The following ZNF578 variants were observed in gnomAD, a reference collection of about 807,000 sequenced individuals.
ZNF578 encodes Putative chemokine-related protein B42.
In ZNF578, 8 loss-of-function variants were observed where a neutral mutation model predicts 8.3. That is an observed-to-expected ratio of 0.96 (90% CI 0.56 to 1.74). ZNF578 has a LOEUF of 1.74. Among genes scored for constraint, ZNF578 ranks in the 40% most tolerant of loss-of-function variants. ZNF578 has a pLI of 0.00. For synonymous variants in ZNF578, 206 were observed against 232.2 expected (o/e 0.89, Z 1.03); for missense variants, 726 against 707.5 (o/e 1.03, Z -0.30).
In ZNF578 at chr19:52,512,096, G is replaced by C; in HGVS notation, c.1715G>C (p.Cys572Ser). ...GAGAAACCTTACAAGTGTAATGAGT[G>C]TGGTAAGGCTCACAATCACTTGATT... The part of the protein sequence containing the change: ...SGEKPYKCNE[C>S]GKAHNHLIDS... Residue 572 changes from cysteine to serine, a missense_variant, in exon 6 of 6, where the codon TGT (cysteine) becomes TCT (serine). By Grantham distance (112) the Cys-to-Ser change is moderately radical (BLOSUM62 -1). Transcript: ENST00000421239. The C allele has an allele frequency of 1.9e-6, 3 of 1,613,294 alleles. No individual in the cohort carries two copies. The highest frequency in any genetic ancestry group is 2.5e-6 in the Non-Finnish European group (3 of 1,179,722).
chr19:52,462,698 A>C (rs945302780), intron 2 of ZNF578, among the ~76,000 whole-genome samples: 9 of 150,572 alleles, frequency 6.0e-5, no homozygotes, highest in Admixed American at 5.3e-4. Flanking sequence ...GTTTGTCTTC[A>C]TGTGGTCAGC....
intron 2 of ZNF578, among the ~76,000 whole-genome samples, chr19:52,459,290 C>T (rs903035079): frequency 2.0e-4 from 30 of 152,090 alleles, no homozygotes; most frequent in African/African-American, 7.0e-4. Context: ...ACCCATCTTT[C>T]TATGTTGTTT....
chr19:52,509,314 T>C (rs868312903), intron 5 of ZNF578, among the ~76,000 whole-genome samples: 50 of 152,162 alleles, frequency 3.3e-4, no homozygotes, highest in Non-Finnish European at 1.6e-4. Context: ...GGTGGTTAAG[T>C]AGATGTTGTG....
At chr19:52,495,088 C>A (rs890410487) in intron 3 of ZNF578, among the ~76,000 whole-genome samples, 2 of 151,178 alleles carry the variant, frequency 1.3e-5, no homozygotes, top group Non-Finnish European at 3.0e-5. Flanking sequence ...CTCAAAGGTT[C>A]CTCCTGTCTT....
chr19:52,494,617 A>T (rs1294208614), intron 3 of ZNF578, among the ~76,000 whole-genome samples: 1 of 152,190 alleles, frequency 6.6e-6, no homozygotes, highest in Non-Finnish European at 1.5e-5. Flanking sequence ...AATTATACAG[A>T]TGAGTTTGAG....
chr19:52,510,836 T>C lies in ZNF578; in HGVS notation c.455T>C (p.Ile152Thr). 6.2e-7 allele frequency: 1 copy of C among 1,614,224 alleles called. No homozygotes were observed. Among genetic ancestry groups the C allele is most frequent in the Non-Finnish European group, 8.5e-7 (1 of 1,180,034 alleles). ...CAAAGGCATGCTGGAAACAAGCCTA[T>C]TAAAGATCAGCTTGGATTAAGCTTT... ...HDQRHAGNKPIKDQLGLSFHL... is the reference protein window; with the variant it reads ...HDQRHAGNKPTKDQLGLSFHL... Residue 152 changes from isoleucine to threonine, a missense_variant, in exon 6 of 6, where the codon ATT becomes ACT. Transcript: ENST00000421239.
Position 52,512,025 on chromosome 19 carries a change from C to T in ZNF578, c.1644C>T (p.Phe548=). The T allele has an allele frequency of 1.2e-6, 2 of 1,613,940 alleles. No homozygotes were observed. The highest frequency in any genetic ancestry group is 1.3e-5 in the African/African-American group (1 of 74,976). The change falls in exon 6 of 6, where the codon TTC becomes TTT. Residue 548 remains phenylalanine (F), a synonymous_variant. Coordinates refer to ENST00000421239, the MANE Select transcript of ZNF578 (RefSeq NM_001099694.2). ...PYKCKVCDKA[F]MCHSYLANHT... ...AATGTAAGGTTTGTGACAAGGCTTTCATGTGCCATTCTTATCTGGCAAACC... is the reference window on the plus strand; with the variant it reads ...AATGTAAGGTTTGTGACAAGGCTTTTATGTGCCATTCTTATCTGGCAAACC...
chr19:52,513,729 CAAA>C lies in ZNF578; in HGVS notation c.*1590_*1592del, dbSNP rs66998990. On this transcript the variant is annotated 3_prime_UTR_variant, in exon 6 of 6. Transcript: ENST00000421239. ...TGGGCGACAGAGTGAGAGTCTGTCT[CAAA>C]AAAAAAAAAAAAAAGATATCAAACC... is the stretch of plus-strand genomic sequence containing the variant. 2.4e-5 allele frequency among the ~76,000 whole-genome samples: 3 copies of C among 123,368 alleles called. No individual in the cohort carries two copies. 80.9% of individuals were successfully genotyped at this position (123,368 alleles called of 152,430 possible).
intron 3 of ZNF578, among the ~76,000 whole-genome samples, chr19:52,496,483 C>A (rs2059387053): frequency 6.8e-6 from 1 of 146,742 alleles, no homozygotes; most frequent in Non-Finnish European, 1.5e-5. Flanking sequence ...GCGCCCGCCA[C>A]CGCGCCCAGC....
intron 2 of ZNF578, among the ~76,000 whole-genome samples, chr19:52,484,401 G>A (rs1180127406): frequency 6.6e-6 from 1 of 152,090 alleles, no homozygotes; most frequent in African/African-American, 2.4e-5. Flanking sequence ...GACCCTTTAC[G>A]GGTGTCGGGC....
intron 3 of ZNF578, among the ~76,000 whole-genome samples, chr19:52,495,774 G>A (rs1012928837): frequency 2.0e-5 from 3 of 151,600 alleles, no homozygotes; most frequent in South Asian, 2.1e-4. Context: ...TAATGATGGC[G>A]TCAGAGGCAG....
intron 3 of ZNF578, among the ~76,000 whole-genome samples, chr19:52,496,576 G>A (rs913213983): frequency 3.0e-4 from 45 of 148,374 alleles, no homozygotes; most frequent in African/African-American, 1.1e-3. Flanking sequence ...TGATCCGCCC[G>A]CCTCAGCCTC....
At position 52,506,932 on chromosome 19, in the gene ZNF578, C is replaced by T. The variant is rs115697673; in HGVS notation, c.190+2151C>T. Among the ~76,000 whole-genome samples the T allele has an allele frequency of 8.7e-3, 1,319 of 152,328 alleles. 15 individuals carry two copies. Among genetic ancestry groups the T allele is most frequent in the East Asian group, 0.027 (141 of 5,184 alleles). ...GATGATGAGATGCCCCTTTTCCTAT[C>T]TCACTCATTTCATCGTTCTGTTAGA... On this transcript the variant is annotated intron_variant, in intron 5 of 5. Transcript: ENST00000421239.
chr19:52,479,542 CAAAAAAAAAAAAAAA>C, intron 2 of ZNF578, among the ~76,000 whole-genome samples: 1 of 64,266 alleles, frequency 1.6e-5, no homozygotes, highest in Admixed American at 1.6e-4. Flanking sequence ...GACTCCATCT[CAAAAAAAAAAAAAAA>C]AAAAAGGAAA....
intron 3 of ZNF578, among the ~76,000 whole-genome samples, chr19:52,500,572 G>A (rs1411267752): frequency 2.0e-5 from 3 of 151,950 alleles, no homozygotes; most frequent in Non-Finnish European, 4.4e-5. Context: ...TAGTAGAGAT[G>A]TCTTTTCACC....
intron 2 of ZNF578, among the ~76,000 whole-genome samples, chr19:52,469,105 G>T (rs2059283932): frequency 6.7e-6 from 1 of 150,344 alleles, no homozygotes; most frequent in Non-Finnish European, 1.5e-5. Context: ...TATCCCATTT[G>T]TTCTGTACCT....
intron 2 of ZNF578, among the ~76,000 whole-genome samples, chr19:52,464,334 A>T (rs1005227235): frequency 6.6e-5 from 10 of 152,098 alleles, no homozygotes; most frequent in African/African-American, 2.2e-4. Context: ...GTCCTCTTTT[A>T]CTGTGTAAGC....
intron 2 of ZNF578, among the ~76,000 whole-genome samples, chr19:52,483,336 AC>A (rs1599895478): frequency 6.6e-6 from 1 of 152,080 alleles, no homozygotes; most frequent in East Asian, 1.9e-4. Flanking sequence ...AATTGCTTGA[AC>A]CCGGGAAGCA....
At chr19:52,488,311 T>C (rs2059352654) in intron 2 of ZNF578, among the ~76,000 whole-genome samples, 2 of 152,014 alleles carry the variant, frequency 1.3e-5, no homozygotes, top group South Asian at 4.2e-4. Flanking sequence ...TCCCAGCACT[T>C]TGGGAGACAG....
Sources: gnomAD v4.1 joint callset for allele counts (sites outside exome capture counted in the v4.1 genomes callset) on GRCh38, gnomAD v4.1.1 for gene constraint, MANE v1.5 for transcripts, NCBI Gene and HGNC (gene_info 2026-07-23, HGNC 2026-07-21) for gene names.